The following NOX4 variants were observed in gnomAD, a reference collection of about 807,000 sequenced individuals.
The protein encoded by NOX4 is kidney oxidase-1.
A neutral mutation model predicts 87.6 loss-of-function variants in NOX4; 69 were observed. That is an observed-to-expected ratio of 0.79 (90% CI 0.65 to 0.96). NOX4 has a LOEUF of 0.96. Among genes scored for constraint, NOX4 ranks in the 40% least tolerant of loss-of-function variants. The pLI is 0.00. For synonymous variants in NOX4, 275 were observed against 238.2 expected (o/e 1.15, Z -1.42); for missense variants, 680 against 681.5 (o/e 1.00, Z 0.02).
chr11:89,569,648 G>A, the NOX4 span, among the ~76,000 whole-genome samples: 1 of 152,138 alleles, frequency 6.6e-6, no homozygotes, highest in East Asian at 1.9e-4. Flanking sequence ...ATTTCTCAAA[G>A]AACTTAAAAT....
At chr11:89,456,815 A>G (rs1178559815) in intron 2 of NOX4, among the ~76,000 whole-genome samples, 1 of 152,138 alleles carries the variant, frequency 6.6e-6, no homozygotes, top group East Asian at 1.9e-4. Flanking sequence ...GCAGTGGAGT[A>G]TGGCTAGGGT....
chr11:89,429,403 A>G (rs1449907760), intron 7 of NOX4, among the ~76,000 whole-genome samples: 2 of 152,194 alleles, frequency 1.3e-5, no homozygotes, highest in Non-Finnish European at 2.9e-5. Context: ...ACCCTTCAAA[A>G]AATCAATGAA....
chr11:89,487,343 A>C (rs1348922891), intron 2 of NOX4, among the ~76,000 whole-genome samples: 1 of 152,222 alleles, frequency 6.6e-6, no homozygotes, highest in African/African-American at 2.4e-5. Flanking sequence ...GTCATTCTTC[A>C]ATAGAAAATA....
chr11:89,457,567 T>C (rs556949093), intron 2 of NOX4, among the ~76,000 whole-genome samples: 2 of 152,284 alleles, frequency 1.3e-5, no homozygotes, highest in South Asian at 2.1e-4. Context: ...AGTACAGCCA[T>C]CCAGAGTTAA....
intron 2 of NOX4, among the ~76,000 whole-genome samples, chr11:89,477,865 G>T (rs147290313): frequency 6.6e-6 from 1 of 152,138 alleles, no homozygotes; most frequent in Admixed American, 6.5e-5. Flanking sequence ...AAATATTTTT[G>T]AAATTCTAAC....
chr11:89,532,476 G>T, the NOX4 span, among the ~76,000 whole-genome samples: 5 of 152,146 alleles, frequency 3.3e-5, no homozygotes, highest in Non-Finnish European at 5.9e-5. Flanking sequence ...TTTGGAATGG[G>T]AGCACTTATT....
the NOX4 span, chr11:89,577,676 T>C: frequency 6.6e-6 from 1 of 152,204 alleles, no homozygotes; most frequent in African/African-American, 2.4e-5. Context: ...AGAAAAACTT[T>C]TTTCTATTCT....
At chr11:89,396,350 A>G (rs1941482769) in intron 11 of NOX4, among the ~76,000 whole-genome samples, 1 of 152,094 alleles carries the variant, frequency 6.6e-6, no homozygotes, top group Admixed American at 6.6e-5. Flanking sequence ...TTGCACATTG[A>G]TTTTGTATCC....
chr11:89,540,737 G>A, the NOX4 span, among the ~76,000 whole-genome samples: 2 of 139,502 alleles, frequency 1.4e-5, no homozygotes, highest in African/African-American at 2.6e-5. Context: ...GCAGTGAGCC[G>A]AGATCGCGAC....
the NOX4 span, among the ~76,000 whole-genome samples, chr11:89,566,577 T>C: frequency 4.7e-5 from 7 of 147,510 alleles, no homozygotes; most frequent in South Asian, 2.1e-4. Flanking sequence ...AGAAGACATA[T>C]ACATAAAAAT....
chr11:89,438,846 T>G (rs55635067), intron 6 of NOX4, among the ~76,000 whole-genome samples: 7 of 25,388 alleles, frequency 2.8e-4, no homozygotes, highest in African/African-American at 9.9e-4. Context: ...ATTATATATA[T>G]TATATAATAT....
intron 11 of NOX4, among the ~76,000 whole-genome samples, chr11:89,389,644 G>A (rs574357075): frequency 4.3e-4 from 65 of 152,224 alleles, no homozygotes; most frequent in African/African-American, 1.1e-3. Flanking sequence ...ACCTCAGTTC[G>A]AAATGGTAAT....
chr11:89,444,201 G>A lies in NOX4; in HGVS notation c.381C>T (p.Ala127=). ...CACTGTAATTCACTGAGAAGTTGAGGGCATTCACCAGATGGGCAGCCACAT... is the reference window on the plus strand; with the variant it reads ...CACTGTAATTCACTGAGAAGTTGAGAGCATTCACCAGATGGGCAGCCACAT... The part of the protein sequence containing the change: ...GVHVAAHLVN[A]LNFSVNYSED... The change falls in exon 5 of 18, where the codon GCC becomes GCT. Residue 127 remains alanine (A), a synonymous_variant. Coordinates refer to ENST00000263317, the MANE Select transcript of NOX4 (RefSeq NM_016931.5). 1 of 1,613,410 alleles carries A rather than the reference G, an allele frequency of 6.2e-7. No individual in the cohort carries two copies. The highest frequency in any genetic ancestry group is 8.5e-7 in the Non-Finnish European group (1 of 1,179,634).
chr11:89,472,268 A>T (rs938710656), intron 2 of NOX4, among the ~76,000 whole-genome samples: 1 of 152,140 alleles, frequency 6.6e-6, no homozygotes, highest in African/African-American at 2.4e-5. Context: ...ATTCCAAATG[A>T]TCCCAGCTCA....
intron 2 of NOX4, among the ~76,000 whole-genome samples, chr11:89,470,132 A>T (rs945548044): frequency 1.3e-5 from 2 of 152,148 alleles, no homozygotes; most frequent in Non-Finnish European, 2.9e-5. Flanking sequence ...TATTGTATAT[A>T]TTAAGTGAGC....
At chr11:89,363,540 T>G (rs1482331733) in intron 12 of NOX4, among the ~76,000 whole-genome samples, 1 of 152,098 alleles carries the variant, frequency 6.6e-6, no homozygotes. Context: ...TTGAAAAGAA[T>G]TTAGAATGTA....
chr11:89,373,055 T>G (rs1173405987), intron 12 of NOX4, among the ~76,000 whole-genome samples: 1 of 151,716 alleles, frequency 6.6e-6, no homozygotes, highest in Non-Finnish European at 1.5e-5. Flanking sequence ...AACTGGAAGA[T>G]TTGTGTGATC....
At chr11:89,426,057 T>C (rs911281131) in intron 7 of NOX4, among the ~76,000 whole-genome samples, 1 of 152,176 alleles carries the variant, frequency 6.6e-6, no homozygotes, top group Non-Finnish European at 1.5e-5. Context: ...GTGAAAGTGC[T>C]CCTGATAATG....
At chr11:89,469,864 C>T (rs767585351) in intron 2 of NOX4, among the ~76,000 whole-genome samples, 1 of 151,994 alleles carries the variant, frequency 6.6e-6, no homozygotes, top group Non-Finnish European at 1.5e-5. Flanking sequence ...ACCTGATGGG[C>T]TATTTTAAAA....
Sources: gnomAD v4.1 joint callset for allele counts (sites outside exome capture counted in the v4.1 genomes callset) on GRCh38, gnomAD v4.1.1 for gene constraint, MANE v1.5 for transcripts, NCBI Gene and HGNC (gene_info 2026-07-23, HGNC 2026-07-21) for gene names.